NCAM1: variants seen among roughly 807,000 people sequenced by gnomAD.
The protein encoded by NCAM1 is neural cell adhesion molecule 1.
In NCAM1, 14 loss-of-function variants were observed where a neutral mutation model predicts 109.8. The ratio of observed to expected loss-of-function variants is 0.13; its 90% confidence interval spans 0.08 to 0.20. The LOEUF is 0.20. NCAM1 is among the 10% of genes least tolerant of loss of function. The probability of loss-of-function intolerance (pLI) is 1.00; values close to 1 mark genes in which losing one functional copy is unlikely to be tolerated. For synonymous variants in NCAM1, 418 were observed against 442.9 expected (o/e 0.94, Z 0.70); for missense variants, 774 against 1,109.9 (o/e 0.70, Z 4.30).
chr11:113,231,900 C>G, intron 10 of NCAM1, 105 bp downstream of exon 10: 1 of 1,428,542 alleles, frequency 7.0e-7, no homozygotes, highest in East Asian at 2.3e-5. Flanking sequence ...GTGTGTTCTG[C>G]TTACGTTCCC....
chr11:113,104,131 C>T (rs1555092054), intron 1 of NCAM1, among the ~76,000 whole-genome samples: 1 of 139,550 alleles, frequency 7.2e-6, no homozygotes, highest in African/African-American at 2.7e-5. Flanking sequence ...GGTTTTGTGG[C>T]TTTGCATGGA....
intron 1 of NCAM1, among the ~76,000 whole-genome samples, chr11:113,043,773 TGTA>T (rs1339799366): frequency 7.9e-5 from 12 of 152,246 alleles, no homozygotes; most frequent in Non-Finnish European, 1.6e-4. Context: ...CTTTCCAGCT[TGTA>T]GTACATCTCC....
chr11:113,082,254 G>A (rs551269048), intron 1 of NCAM1, among the ~76,000 whole-genome samples: 1 of 152,280 alleles, frequency 6.6e-6, no homozygotes, highest in East Asian at 1.9e-4. Context: ...CACACAGATT[G>A]TTCCCGCATA....
intron 1 of NCAM1, among the ~76,000 whole-genome samples, chr11:113,142,894 A>G (rs1941882050): frequency 6.6e-6 from 1 of 152,188 alleles, no homozygotes. Context: ...AAAATAGTAC[A>G]GTGGATACCT....
At chr11:113,091,304 C>G (rs1408256915) in intron 1 of NCAM1, among the ~76,000 whole-genome samples, 1 of 151,990 alleles carries the variant, frequency 6.6e-6, no homozygotes, top group East Asian at 1.9e-4. Flanking sequence ...TCCCTGCTCC[C>G]CTGTTTCTGC....
At chr11:112,967,729 A>G (rs1034433020) in intron 1 of NCAM1, among the ~76,000 whole-genome samples, 1 of 151,994 alleles carries the variant, frequency 6.6e-6, no homozygotes, top group Non-Finnish European at 1.5e-5. Context: ...GATACACAGG[A>G]CTCCTTCAGA....
chr11:113,148,933 G>A (rs943257572), intron 1 of NCAM1, among the ~76,000 whole-genome samples: 12 of 152,106 alleles, frequency 7.9e-5, no homozygotes, highest in African/African-American at 2.9e-4. Context: ...GCCAATGAGT[G>A]ACTGTCTCAC....
chr11:113,262,892 T>C, intron 17 of NCAM1: 1 of 1,613,954 alleles, frequency 6.2e-7, no homozygotes, highest in South Asian at 1.1e-5. Flanking sequence ...TCTCATTGCT[T>C]TTCTCTGCAG....
intron 1 of NCAM1, among the ~76,000 whole-genome samples, chr11:113,026,704 TC>T (rs1456494365): frequency 2.6e-5 from 4 of 152,196 alleles, no homozygotes; most frequent in African/African-American, 9.6e-5. Flanking sequence ...TGACTTATCA[TC>T]TTGGAGTCTG....
chr11:113,121,365 T>G (rs1260180887), intron 1 of NCAM1, among the ~76,000 whole-genome samples: 2 of 150,640 alleles, frequency 1.3e-5, no homozygotes, highest in Non-Finnish European at 3.0e-5. Flanking sequence ...GGACTGCAGG[T>G]GCATGCCACT....
intron 7 of NCAM1, among the ~76,000 whole-genome samples, chr11:113,211,379 A>G (rs1944388081): frequency 6.6e-6 from 1 of 152,198 alleles, no homozygotes; most frequent in African/African-American, 2.4e-5. Context: ...ACATATCTCA[A>G]TTAGAGACTT....
intron 1 of NCAM1, among the ~76,000 whole-genome samples, chr11:112,971,586 G>A (rs1555066831): frequency 6.6e-6 from 1 of 152,074 alleles, no homozygotes; most frequent in Non-Finnish European, 1.5e-5. Context: ...GTGTTGCCCA[G>A]ACTGGCCTCA....
chr11:113,010,500 A>G (rs1441925891), intron 1 of NCAM1, among the ~76,000 whole-genome samples: 4 of 152,172 alleles, frequency 2.6e-5, no homozygotes, highest in South Asian at 4.1e-4. Context: ...CCTGTTATTT[A>G]TGAGTCATAT....
chr11:112,964,522 G>A (rs1274450462), intron 1 of NCAM1, among the ~76,000 whole-genome samples: 1 of 152,090 alleles, frequency 6.6e-6, no homozygotes, highest in Non-Finnish European at 1.5e-5. Flanking sequence ...AGATACCATC[G>A]GTTAAGAACA....
intron 1 of NCAM1, among the ~76,000 whole-genome samples, chr11:113,141,782 C>T (rs1180601658): frequency 2.6e-5 from 4 of 152,114 alleles, no homozygotes; most frequent in Non-Finnish European, 5.9e-5. Context: ...ACTCACCCTG[C>T]TTTAGTGATC....
intron 1 of NCAM1, among the ~76,000 whole-genome samples, chr11:113,159,754 G>T (rs147498805): frequency 0.011 from 1,733 of 151,448 alleles, 25 homozygotes; most frequent in Middle Eastern, 0.024. Flanking sequence ...TGTGCACAAC[G>T]TGCAGGTTAG....
chr11:113,100,206 G>A (rs1456543123), intron 1 of NCAM1, among the ~76,000 whole-genome samples: 1 of 152,146 alleles, frequency 6.6e-6, no homozygotes, highest in Non-Finnish European at 1.5e-5. Flanking sequence ...ACAGAACTTA[G>A]GACAGGGGTG....
chr11:113,240,956 G>A (rs1158529219), intron 14 of NCAM1: 21 of 983,136 alleles, frequency 2.1e-5, no homozygotes, highest in Middle Eastern at 4.2e-4. Flanking sequence ...AAGCAGCGTC[G>A]GGTTTTAGAG....
intron 9 of NCAM1, among the ~76,000 whole-genome samples, chr11:113,225,080 G>C (rs1555115977): frequency 6.6e-6 from 1 of 152,222 alleles, no homozygotes; most frequent in East Asian, 1.9e-4. Context: ...AAAGCTGGAT[G>C]GAGAATGACT....
Sources: gnomAD v4.1 joint callset for allele counts (sites outside exome capture counted in the v4.1 genomes callset) on GRCh38, gnomAD v4.1.1 for gene constraint, MANE v1.5 for transcripts, NCBI Gene and HGNC (gene_info 2026-07-23, HGNC 2026-07-21) for gene names.